Variants in MYLK3 observed in about 807,000 individuals in gnomAD.
The protein encoded by MYLK3 is myosin light chain kinase 3, also known as MLC kinase.
In MYLK3, 55 loss-of-function variants were observed where a neutral mutation model predicts 76.3. That is an observed-to-expected ratio of 0.72 (90% CI 0.58 to 0.90). The LOEUF is 0.90. Among genes scored for constraint, MYLK3 ranks in the 40% least tolerant of loss-of-function variants. The pLI, the probability that MYLK3 is intolerant of heterozygous loss-of-function variation, is 0.00. For synonymous variants in MYLK3, 416 were observed against 425.4 expected (o/e 0.98, Z 0.27); for missense variants, 973 against 1,053.6 (o/e 0.92, Z 1.06).
intron 3 of MYLK3, among the ~76,000 whole-genome samples, chr16:46,733,817 G>T (rs187428130): frequency 1.3e-5 from 2 of 152,176 alleles, no homozygotes; most frequent in Admixed American, 6.5e-5. Flanking sequence ...AGGTGGCCTC[G>T]ATTCTGGGCT....
chr16:46,722,226 G>A (rs1249907445), intron 8 of MYLK3, among the ~76,000 whole-genome samples: 1 of 152,140 alleles, frequency 6.6e-6, no homozygotes, highest in Non-Finnish European at 1.5e-5. Flanking sequence ...AGGACTTGCA[G>A]ACCCAGGGTC....
rs188841512 is a variant in MYLK3, at chr16:46,713,675, C to G, written c.1986-899G>C. On this transcript the variant is annotated intron_variant, in intron 9 of 12. Transcript: ENST00000394809. Reference sequence around the variant, plus strand: ...AATCACCATGTTGTACAATGGCTCTCTTGAATTTATTCCTCCTTTCTAAGT... The same window carrying G: ...AATCACCATGTTGTACAATGGCTCTGTTGAATTTATTCCTCCTTTCTAAGT... Among the ~76,000 whole-genome samples the G allele has an allele frequency of 2.2e-3, 338 of 152,300 alleles. 7 individuals carry two copies. The highest frequency in any genetic ancestry group is 4.3e-4 in the Non-Finnish European group (29 of 68,022).
intron 3 of MYLK3, among the ~76,000 whole-genome samples, chr16:46,733,027 C>T (rs1379114564): frequency 2.0e-5 from 3 of 152,192 alleles, no homozygotes; most frequent in South Asian, 4.1e-4. Context: ...CCAACTCAAA[C>T]GTCACACTGG....
chr16:46,729,982 T>C (rs1966849263), intron 5 of MYLK3: 1 of 496,846 alleles, frequency 2.0e-6, no homozygotes, highest in Non-Finnish European at 3.6e-6. Flanking sequence ...ACCCAGGCCA[T>C]CCTGCACCCC....
Position 46,703,787 on chromosome 16 carries a change from G to A in MYLK3, c.*3917C>T, listed in dbSNP as rs553968690. 2.6e-5 allele frequency: 4 copies of A among 153,786 alleles called. No individual in the cohort carries two copies. The highest frequency in any genetic ancestry group is 2.1e-4 in the South Asian group (1 of 4,818). 9.5% of individuals were successfully genotyped at this position (153,786 alleles called of 1,614,324 possible). ...TAGGTAAGGAATAACAGCATAAAGGGAAAAAAATTAAAATTGTTAGATACA... is the reference window on the plus strand; with the variant it reads ...TAGGTAAGGAATAACAGCATAAAGGAAAAAAAATTAAAATTGTTAGATACA... On this transcript the variant is annotated 3_prime_UTR_variant, in exon 13 of 13. Transcript: ENST00000394809.
At position 46,737,790 on chromosome 16, in the gene MYLK3, G is replaced by T; in HGVS notation, c.922C>A (p.Pro308Thr). 6.2e-7 allele frequency: 1 copy of T among 1,612,238 alleles called. No homozygotes were observed. The change falls in exon 3 of 13, where the codon CCT (proline) becomes ACT (threonine). Residue 308 changes from proline (P) to threonine (T), a missense_variant. By Grantham distance (38) the Pro-to-Thr change is conservative. This residue lies in a region of MYLK3 where 641 missense variants were observed against 637.0 expected (regional missense o/e 1.01). Transcript: ENST00000394809. ...LEEGTRLTPG[P>T]GPQCPGPPGL... is the part of the protein sequence containing the mutation. ...GGAGGCCCTGGGCACTGAGGGCCAG[G>T]CCCTGGAGTCAGCCTCGTGCCTTCC...
In MYLK3 at chr16:46,703,971, TGA is replaced by T. The variant is rs889163136; in HGVS notation, c.*3731_*3732del. On this transcript the variant is annotated 3_prime_UTR_variant, in exon 13 of 13. Transcript: ENST00000394809. ...GGATACTTCAGTTATTGGAAAACAG[TGA>T]GTTATGTTTCAAACAACTTGAGTAT... 2.0e-5 allele frequency: 3 copies of T among 153,608 alleles called. No homozygotes were observed. The highest frequency in any genetic ancestry group is 2.9e-5 in the Non-Finnish European group (2 of 68,034). The allele number at this position is 153,608 out of a possible 1,614,324, so 9.5% of individuals were successfully genotyped here. A position where few individuals can be genotyped will look rare whatever the true frequency, so the allele number is the denominator to read the frequency against.
At chr16:46,757,178 C>T (rs1596780396) in intron 1 of MYLK3, among the ~76,000 whole-genome samples, 1 of 143,724 alleles carries the variant, frequency 7.0e-6, no homozygotes, top group East Asian at 2.2e-4. Flanking sequence ...GAGTTTAATG[C>T]GGACAACTTC....
At chr16:46,734,182 TAGAC>T (rs1453428921) in intron 3 of MYLK3, among the ~76,000 whole-genome samples, 4 of 152,112 alleles carry the variant, frequency 2.6e-5, no homozygotes, top group African/African-American at 7.2e-5. Context: ...GGATAATACA[TAGAC>T]AGAAGGTGGT....
chr16:46,726,698 AAAGAAAGAAAG>A (rs1266763907), intron 8 of MYLK3: 1 of 149,902 alleles, frequency 6.7e-6, no homozygotes, highest in Non-Finnish European at 1.5e-5. Flanking sequence ...AGAAAGAAAG[AAAGAAAGAAAG>A]AAAGAAAGAA....
At chr16:46,740,174 A>C in intron 1 of MYLK3, 27 bp from the exon 2 acceptor site, 2 of 1,581,294 alleles carry the variant, frequency 1.3e-6, no homozygotes, top group Non-Finnish European at 1.7e-6. Context: ...AAAAAATGTC[A>C]TCATTATCAT....
chr16:46,760,672 C>A (rs1480956441), intron 1 of MYLK3, among the ~76,000 whole-genome samples: 1 of 152,214 alleles, frequency 6.6e-6, no homozygotes, highest in Non-Finnish European at 1.5e-5. Context: ...ACTCTCTCCC[C>A]TCAGTCTACC....
intron 3 of MYLK3, among the ~76,000 whole-genome samples, chr16:46,736,076 T>C (rs906086603): frequency 3.9e-5 from 6 of 152,168 alleles, no homozygotes; most frequent in Non-Finnish European, 8.8e-5. Context: ...GGTGTGATCA[T>C]AACTCACTAC....
intron 1 of MYLK3, among the ~76,000 whole-genome samples, chr16:46,757,954 A>G (rs1168973096): frequency 1.3e-5 from 2 of 152,172 alleles, no homozygotes; most frequent in Non-Finnish European, 2.9e-5. Flanking sequence ...CCGGGTCTGC[A>G]GCAGAGAGGT....
In MYLK3 at chr16:46,721,201, A is replaced by T. The variant is rs994896899; in HGVS notation, c.1915-8T>A. 1.2e-6 allele frequency: 2 copies of T among 1,614,114 alleles called. No individual in the cohort carries two copies. The highest frequency in any genetic ancestry group is 8.5e-7 in the Non-Finnish European group (1 of 1,179,938). On this transcript the variant is annotated splice_region_variant and splice_polypyrimidine_tract_variant and intron_variant, in intron 8 of 12. Transcript: ENST00000394809. ...GCACAATATGTTCTCCGGCTGGGAA[A>T]GAAAGAAGTCTGCTTAGCCCAAGCA...
rs554735318 is a variant in MYLK3 at position 46,738,162 on chromosome 16, G to A, written c.569-19C>T. The stretch of plus-strand genomic sequence containing the variant: ...TGGCTCTCTACAGGAAAACAGGCAG[G>A]ACAAAAATGCACTCCCATGTGGAGG... On this transcript the variant is annotated intron_variant, in intron 2 of 12. Coordinates refer to ENST00000394809, the MANE Select transcript of MYLK3 (RefSeq NM_182493.3). 4.0e-6 allele frequency: 6 copies of A among 1,492,772 alleles called. No individual in the cohort carries two copies. In the South Asian group the frequency reaches 7.9e-5, roughly 20 times the overall value. 92.5% of individuals were successfully genotyped at this position (1,492,772 alleles called of 1,614,324 possible). A position where few individuals can be genotyped will look rare whatever the true frequency, so the allele number is the denominator to read the frequency against.
intron 9 of MYLK3, among the ~76,000 whole-genome samples, chr16:46,715,792 C>T (rs971648582): frequency 1.2e-4 from 18 of 152,166 alleles, no homozygotes; most frequent in Non-Finnish European, 2.4e-4. Flanking sequence ...GGAGCCATGT[C>T]CCTGCTGAAA....
chr16:46,719,020 A>G (rs545984342), intron 9 of MYLK3, among the ~76,000 whole-genome samples: 8 of 151,530 alleles, frequency 5.3e-5, no homozygotes, highest in African/African-American at 1.9e-4. Context: ...GCTGCAGCTG[A>G]AAGACCTACC....
chr16:46,730,901 A>G (rs1966851333), intron 4 of MYLK3, among the ~76,000 whole-genome samples: 1 of 152,200 alleles, frequency 6.6e-6, no homozygotes, highest in Non-Finnish European at 1.5e-5. Flanking sequence ...ACTCAAACCC[A>G]GGTCTCCCGG....
Sources: gnomAD v4.1 joint callset for allele counts (sites outside exome capture counted in the v4.1 genomes callset) on GRCh38, gnomAD v4.1.1 for gene constraint, gnomAD v4.1.1 regional missense constraint, MANE v1.5 for transcripts, NCBI Gene and HGNC (gene_info 2026-07-23, HGNC 2026-07-21) for gene names.